Variants in CTNNA2 observed in about 807,000 individuals in gnomAD.
CTNNA2 encodes catenin alpha-2.
In CTNNA2, 42 loss-of-function variants were observed where a neutral mutation model predicts 101.0. The observed-to-expected ratio is 0.42, with a 90% CI of 0.32 to 0.54. The LOEUF (loss-of-function observed/expected upper bound fraction) is 0.54, where lower values mean the gene tolerates loss of function less well. Among genes scored for constraint, CTNNA2 ranks in the 20% least tolerant of loss-of-function variants. The probability of loss-of-function intolerance (pLI) is 0.14; values close to 1 mark genes in which losing one functional copy is unlikely to be tolerated. For synonymous variants in CTNNA2, 450 were observed against 456.4 expected (o/e 0.99, Z 0.18); for missense variants, 871 against 1,223.1 (o/e 0.71, Z 4.29).
Position 80,302,094 on chromosome 2 carries a change from A to G in CTNNA2, c.1057-91117A>G. On this transcript the variant is annotated intron_variant, in intron 7 of 18. Transcript: ENST00000402739. This position sits in a 1 kb window ranked among gnomAD's most constrained non-coding sequence, Gnocchi z 6.4. ...TCGCTTTTGTTTTTAAGACACAATA[A>G]AGCTAAAATGTCAAGTCTCTGGGAG... 1.0e-6 allele frequency: 1 copy of G among 1,002,666 alleles called. No individual in the cohort carries two copies. Among genetic ancestry groups the G allele is most frequent in the Non-Finnish European group, 1.4e-6 (1 of 712,124 alleles). The allele number at this position is 1,002,666 out of a possible 1,614,324, so 62.1% of individuals were successfully genotyped here. A position where few individuals can be genotyped will look rare whatever the true frequency, so the allele number is the denominator to read the frequency against.
chr2:79,840,961 G>A lies in CTNNA2; in HGVS notation c.299-17052G>A, dbSNP rs1447889055. On this transcript the variant is annotated intron_variant, in intron 3 of 18. Transcript: ENST00000402739. ...ATTTTTTGTATTTTTAGTAGAGACG[G>A]GGTTTCACCGTGTTAGCCAACATGG... 8.5e-5 allele frequency among the ~76,000 whole-genome samples: 13 copies of A among 152,112 alleles called. 1 individual carries two copies. The highest frequency in any genetic ancestry group is 8.5e-4 in the Admixed American group (13 of 15,262).
At chr2:80,009,461 C>T (rs1372732248) in intron 7 of CTNNA2, among the ~76,000 whole-genome samples, 1 of 152,152 alleles carries the variant, frequency 6.6e-6, no homozygotes, top group Admixed American at 6.6e-5. Flanking sequence ...AATATTGCTG[C>T]CTGAAGACTC....
At chr2:80,383,790 A>G (rs764104360) in intron 7 of CTNNA2, among the ~76,000 whole-genome samples, 1 of 152,198 alleles carries the variant, frequency 6.6e-6, no homozygotes, top group South Asian at 2.1e-4. Context: ...AAAAATTACC[A>G]TTCAACCTAG....
At chr2:80,556,435 CAA>C (rs1229226144) in intron 12 of CTNNA2, among the ~76,000 whole-genome samples, 13 of 152,166 alleles carry the variant, frequency 8.5e-5, no homozygotes. Context: ...TGGCTGCTGA[CAA>C]AGAGTTAGGC....
chr2:80,580,224 G>A (rs1695410599), intron 13 of CTNNA2, among the ~76,000 whole-genome samples: 1 of 152,168 alleles, frequency 6.6e-6, no homozygotes. Flanking sequence ...AACGTTGACA[G>A]ACACATACAT....
intron 7 of CTNNA2, among the ~76,000 whole-genome samples, chr2:79,933,235 T>C (rs562126402): frequency 1.3e-5 from 2 of 152,118 alleles, no homozygotes; most frequent in Non-Finnish European, 2.9e-5. Context: ...GGGTTTAATA[T>C]AAAAAAGGGG....
At chr2:79,554,823 T>A (rs898962344) in intron 1 of CTNNA2, among the ~76,000 whole-genome samples, 3 of 152,184 alleles carry the variant, frequency 2.0e-5, no homozygotes, top group Non-Finnish European at 4.4e-5. Flanking sequence ...GGTCATAGTT[T>A]TCTTATGTTT....
chr2:79,931,645 A>T (rs1295197341), intron 7 of CTNNA2, among the ~76,000 whole-genome samples: 2 of 152,224 alleles, frequency 1.3e-5, no homozygotes. Context: ...ACAAAGGTTG[A>T]TCAGTTCTCA....
chr2:79,321,430 T>C (rs921311581), intron 3 of CTNNA2, among the ~76,000 whole-genome samples: 5 of 152,142 alleles, frequency 3.3e-5, no homozygotes, highest in African/African-American at 1.2e-4. Flanking sequence ...ATTTTATTGG[T>C]TCTATAGCAG....
At chr2:79,731,565 T>C (rs541847261) in intron 2 of CTNNA2, among the ~76,000 whole-genome samples, 1 of 152,158 alleles carries the variant, frequency 6.6e-6, no homozygotes, top group South Asian at 2.1e-4. Context: ...GCTTACATGT[T>C]GGGTTTTGCT....
chr2:79,256,025 T>C (rs80089716), intron 2 of CTNNA2, among the ~76,000 whole-genome samples: 3,633 of 152,236 alleles, frequency 0.024, 134 homozygotes, highest in African/African-American at 0.084. Flanking sequence ...AAAATGAAGA[T>C]AAAACTCACA....
intron 15 of CTNNA2, among the ~76,000 whole-genome samples, chr2:80,597,630 A>G (rs1697100088): frequency 6.6e-6 from 1 of 152,194 alleles, no homozygotes; most frequent in African/African-American, 2.4e-5. Flanking sequence ...ATTTACAAGA[A>G]AAAAAACACC....
At chr2:79,344,267 CTT>C (rs1251832800) in intron 3 of CTNNA2, among the ~76,000 whole-genome samples, 2 of 152,224 alleles carry the variant, frequency 1.3e-5, no homozygotes, top group Non-Finnish European at 2.9e-5. Context: ...GGGAATGATG[CTT>C]CTGGAATCCA....
chr2:80,024,215 G>T (rs1451857880), intron 7 of CTNNA2, among the ~76,000 whole-genome samples: 3 of 152,080 alleles, frequency 2.0e-5, no homozygotes, highest in Non-Finnish European at 4.4e-5. Flanking sequence ...TAGTGATTGT[G>T]ATAGAGAATA....
chr2:80,301,155 C>A (rs1363841434), intron 7 of CTNNA2, among the ~76,000 whole-genome samples: 1 of 152,170 alleles, frequency 6.6e-6, no homozygotes, highest in Non-Finnish European at 1.5e-5. Context: ...ACCCTGCAGG[C>A]ATTCATCCTA....
intron 2 of CTNNA2, among the ~76,000 whole-genome samples, chr2:79,276,604 T>G (rs1339960806): frequency 6.6e-6 from 1 of 152,150 alleles, no homozygotes; most frequent in African/African-American, 2.4e-5. Flanking sequence ...CTTAACCTTT[T>G]GTTTGCCTAT....
intron 7 of CTNNA2, among the ~76,000 whole-genome samples, chr2:80,321,735 G>A (rs955380761): frequency 1.3e-5 from 2 of 152,210 alleles, no homozygotes; most frequent in South Asian, 4.1e-4. Context: ...ATGCACGCAT[G>A]TACTTGTGGG....
intron 1 of CTNNA2, among the ~76,000 whole-genome samples, chr2:79,602,810 C>T (rs1055881184): frequency 2.6e-5 from 4 of 151,920 alleles, no homozygotes; most frequent in African/African-American, 9.7e-5. Flanking sequence ...CATAAAGTAA[C>T]AGCTAAATAA....
In CTNNA2 at chr2:80,619,201, C is replaced by T. The variant is rs899722948; in HGVS notation, c.2547C>T (p.Ile849=). Residue 849 remains isoleucine, a synonymous_variant, in exon 18 of 19, where the codon ATC becomes ATT. Transcript: ENST00000402739. ...HLPTCAEGAP[I]GSGSSDSSML... is the part of the protein sequence containing the mutation. ...CAACCTGTGCTGAGGGAGCTCCGATCGGGAGTGGAAGCAGTGATTCCTCCA... is the reference window on the plus strand; with the variant it reads ...CAACCTGTGCTGAGGGAGCTCCGATTGGGAGTGGAAGCAGTGATTCCTCCA... The T allele has an allele frequency of 4.4e-6, 7 of 1,583,720 alleles. No homozygotes were observed. The highest frequency in any genetic ancestry group is 6.0e-6 in the Non-Finnish European group (7 of 1,164,982).
Sources: allele counts gnomAD v4.1 joint callset (sites outside exome capture counted in the v4.1 genomes callset), GRCh38; gene constraint gnomAD v4.1.1; non-coding constraint Gnocchi (gnomAD v3.1); transcripts MANE v1.5; gene names NCBI Gene and HGNC (gene_info 2026-07-23, HGNC 2026-07-21).